CDH18: variants seen among roughly 807,000 people sequenced by gnomAD.
CDH18 encodes cadherin 18.
CDH18 carries 31 observed loss-of-function variants against 67.9 expected under a neutral mutation model. That is an observed-to-expected ratio of 0.46 (90% CI 0.34 to 0.62). The LOEUF is 0.62. Ranked by LOEUF, CDH18 falls within the 20% of genes least tolerant of loss-of-function variation. The pLI, the probability that CDH18 is intolerant of heterozygous loss-of-function variation, is 0.01. For synonymous variants in CDH18, 362 were observed against 347.2 expected (o/e 1.04, Z -0.48); for missense variants, 890 against 975.5 (o/e 0.91, Z 1.17).
intron 3 of CDH18, among the ~76,000 whole-genome samples, chr5:19,757,653 C>A (rs1299566195): frequency 2.6e-5 from 4 of 152,176 alleles, no homozygotes; most frequent in Non-Finnish European, 4.4e-5. Context: ...GTACAAATGT[C>A]TTCAGTTTTT....
At chr5:20,172,226 A>ATATATATATATACG (rs1736860740) in intron 2 of CDH18, among the ~76,000 whole-genome samples, 1 of 105,852 alleles carries the variant, frequency 9.4e-6, no homozygotes, top group Non-Finnish European at 1.8e-5. Flanking sequence ...ATATATATGT[A>ATATATATATATACG]TATATATATA....
chr5:20,023,612 TCGCGCCA>T (rs1252593916), intron 2 of CDH18, among the ~76,000 whole-genome samples: 2 of 133,190 alleles, frequency 1.5e-5, no homozygotes, highest in Non-Finnish European at 3.0e-5. Context: ...TTAGCCGAGA[TCGCGCCA>T]CTGCACTCCA....
At chr5:19,674,343 A>C (rs923733653) in intron 5 of CDH18, among the ~76,000 whole-genome samples, 15 of 152,258 alleles carry the variant, frequency 9.9e-5, no homozygotes, top group African/African-American at 3.6e-4. Context: ...AATAACAAAG[A>C]AAAAGAGAAA....
At chr5:20,211,252 G>A (rs965746584) in intron 2 of CDH18, among the ~76,000 whole-genome samples, 7 of 152,122 alleles carry the variant, frequency 4.6e-5, no homozygotes, top group East Asian at 3.9e-4. Context: ...CAAAGCAGCC[G>A]GGAAGCTCGA....
At chr5:20,041,016 C>T (rs1740375339) in intron 2 of CDH18, among the ~76,000 whole-genome samples, 1 of 152,030 alleles carries the variant, frequency 6.6e-6, no homozygotes, top group African/African-American at 2.4e-5. Context: ...AGAGCGGTAA[C>T]ATTATGTTGT....
chr5:19,854,740 A>G (rs557190715), intron 2 of CDH18, among the ~76,000 whole-genome samples: 1 of 152,190 alleles, frequency 6.6e-6, no homozygotes, highest in Middle Eastern at 3.4e-3. Context: ...AGGAGTGTAT[A>G]GTAGGCTACT....
At chr5:20,236,405 T>C (rs7706459) in intron 2 of CDH18, among the ~76,000 whole-genome samples, 105,783 of 151,054 alleles carry the variant, frequency 0.7, 37,678 homozygotes, top group African/African-American at 0.85. Context: ...TACCCAGAAA[T>C]ATTATGTTTC....
intron 2 of CDH18, among the ~76,000 whole-genome samples, chr5:20,074,016 T>C (rs1322906173): frequency 6.6e-6 from 1 of 152,134 alleles, no homozygotes; most frequent in African/African-American, 2.4e-5. Flanking sequence ...AATTTTTCTT[T>C]ACGTAATCAG....
chr5:19,881,422 A>G (rs1442304256), intron 2 of CDH18, among the ~76,000 whole-genome samples: 1 of 152,074 alleles, frequency 6.6e-6, no homozygotes, highest in Non-Finnish European at 1.5e-5. Context: ...CATGCAGAAC[A>G]TCAGTTTTGT....
chr5:19,684,420 A>G lies in CDH18; in HGVS notation c.643+36927T>C, dbSNP rs190961474. 9.9e-4 allele frequency among the ~76,000 whole-genome samples: 150 copies of G among 151,440 alleles called. 1 individual carries two copies. Among genetic ancestry groups the G allele is most frequent in the African/African-American group, 3.5e-3 (144 of 41,466 alleles). On this transcript the variant is annotated intron_variant, in intron 5 of 12. Coordinates refer to ENST00000382275, the MANE Select transcript of CDH18 (RefSeq NM_004934.5). ...TAAAAGAGAAAGAATTGAGGGAAAA[A>G]GAAAATGTCACTAATAAAATATCAT...
chr5:20,043,457 C>T (rs1361951419), intron 2 of CDH18, among the ~76,000 whole-genome samples: 1 of 152,146 alleles, frequency 6.6e-6, no homozygotes, highest in Non-Finnish European at 1.5e-5. Flanking sequence ...CACACCAGGC[C>T]ATAGAACTTG....
At chr5:19,552,433 G>A (rs374075055) in intron 8 of CDH18, among the ~76,000 whole-genome samples, 6 of 152,188 alleles carry the variant, frequency 3.9e-5, no homozygotes, top group East Asian at 3.9e-4. Context: ...CAACTACTTT[G>A]TGGTGTATCT....
chr5:20,171,113 T>G (rs1736673515), intron 2 of CDH18, among the ~76,000 whole-genome samples: 1 of 152,108 alleles, frequency 6.6e-6, no homozygotes. Flanking sequence ...TTATCCAGTC[T>G]GCCACTGATG....
intron 2 of CDH18, among the ~76,000 whole-genome samples, chr5:19,917,965 G>A (rs954785653): frequency 9.9e-5 from 15 of 152,150 alleles, no homozygotes; most frequent in Non-Finnish European, 1.8e-4. Flanking sequence ...AAGCAGAGAC[G>A]TGAGATGTGG....
At chr5:20,516,269 TTTTA>T (rs1173948112) in intron 1 of CDH18, among the ~76,000 whole-genome samples, 2 of 152,138 alleles carry the variant, frequency 1.3e-5, no homozygotes, top group Middle Eastern at 3.4e-3. Flanking sequence ...AATTCATTTC[TTTTA>T]TGACCTTCTA....
At chr5:19,997,425 G>C (rs565633579) in intron 2 of CDH18, among the ~76,000 whole-genome samples, 78 of 152,044 alleles carry the variant, frequency 5.1e-4, no homozygotes, top group Non-Finnish European at 8.4e-4. Context: ...TTTCTGAGAA[G>C]ATGAATAAAA....
chr5:19,598,723 A>C (rs1227236903), intron 6 of CDH18, among the ~76,000 whole-genome samples: 1 of 152,168 alleles, frequency 6.6e-6, no homozygotes, highest in East Asian at 1.9e-4. Context: ...ACAACTGTTA[A>C]ATAATTATGT....
intron 7 of CDH18, among the ~76,000 whole-genome samples, chr5:19,578,730 T>C (rs114881877): frequency 0.015 from 2,337 of 152,156 alleles, 61 homozygotes; most frequent in African/African-American, 0.053. Context: ...ACTTAATTTG[T>C]ATCCCATAAT....
At chr5:19,598,466 T>C (rs577520873) in intron 6 of CDH18, among the ~76,000 whole-genome samples, 11 of 151,902 alleles carry the variant, frequency 7.2e-5, no homozygotes, top group Admixed American at 6.6e-4. Flanking sequence ...TGTAGAACAA[T>C]GAAAAAAGAA....
Sources: allele counts gnomAD v4.1 joint callset (sites outside exome capture counted in the v4.1 genomes callset), GRCh38; gene constraint gnomAD v4.1.1; transcripts MANE v1.5; gene names NCBI Gene and HGNC (gene_info 2026-07-23, HGNC 2026-07-21).